The following SCAF8 variants were observed in gnomAD, a reference collection of about 807,000 sequenced individuals.
The protein encoded by SCAF8 is SR-related and CTD-associated factor 8.
SCAF8 carries 23 observed loss-of-function variants against 140.5 expected under a neutral mutation model. The observed-to-expected ratio is 0.16, with a 90% CI of 0.12 to 0.23. The LOEUF (loss-of-function observed/expected upper bound fraction) is 0.23, where lower values mean the gene tolerates loss of function less well. Among genes scored for constraint, SCAF8 ranks in the 10% least tolerant of loss-of-function variants. SCAF8 has a pLI of 1.00. For synonymous variants in SCAF8, 575 were observed against 528.9 expected (o/e 1.09, Z -1.20); for missense variants, 1,397 against 1,555.7 (o/e 0.90, Z 1.72).
rs1184630784 is a variant in SCAF8, at chr6:154,778,768, AATGTGTGTGTGTGT to A, written c.159+724_159+737del. On this transcript the variant is annotated intron_variant, in intron 3 of 19. Coordinates refer to ENST00000367178, the MANE Select transcript of SCAF8 (RefSeq NM_014892.5). Reference sequence around the variant, plus strand: ...AACAGAGTGAGACCCTGTCTCAAAAAATGTGTGTGTGTGTGTGTGTGTGTGTGTGTGTGTGTGTG... The same window carrying A: ...AACAGAGTGAGACCCTGTCTCAAAAAGTGTGTGTGTGTGTGTGTGTGTGTG... Among the ~76,000 whole-genome samples the A allele has an allele frequency of 3.4e-5, 4 of 117,470 alleles. No homozygotes were observed. The East Asian group carries it at 7.1e-4, about 21-fold the overall frequency. The allele number at this position is 117,470 out of a possible 152,430, so 77.1% of individuals were successfully genotyped here. A position where few individuals can be genotyped will look rare whatever the true frequency, so the allele number is the denominator to read the frequency against.
chr6:154,736,016 A>T (rs1778407929), intron 1 of SCAF8, among the ~76,000 whole-genome samples: 1 of 150,996 alleles, frequency 6.6e-6, no homozygotes, highest in African/African-American at 2.4e-5. Context: ...TATAGAGAGG[A>T]GGTCTTGTTA....
chr6:154,827,290 T>G (rs1284981837), intron 18 of SCAF8, 50 bp downstream of exon 18: 1 of 1,269,256 alleles, frequency 7.9e-7, no homozygotes, highest in African/African-American at 1.5e-5. Context: ...GTGTTAATTT[T>G]AGTGTGTCAG....
At chr6:154,798,417 C>G (rs1777670630) in intron 6 of SCAF8, among the ~76,000 whole-genome samples, 1 of 151,340 alleles carries the variant, frequency 6.6e-6, no homozygotes, top group Admixed American at 6.6e-5. Context: ...TCAAACAAAA[C>G]CTGCTCCACC....
intron 1 of SCAF8, among the ~76,000 whole-genome samples, chr6:154,759,432 G>A (rs966523232): frequency 5.3e-5 from 8 of 152,180 alleles, no homozygotes; most frequent in African/African-American, 1.9e-4. Context: ...TTTTTTAACA[G>A]TATTCAAAAC....
intron 16 of SCAF8, 126 bp downstream of exon 16, chr6:154,822,535 A>G: frequency 1.0e-6 from 1 of 958,450 alleles, no homozygotes; most frequent in Non-Finnish European, 1.5e-6. Flanking sequence ...CAGTAGTGTT[A>G]GGGAAAAGAA....
rs1204710627 is a variant in SCAF8, at chr6:154,808,247, A to AAT, written c.1113+47_1113+48insTA. 3 of 1,550,436 alleles carry AAT rather than the reference A, an allele frequency of 1.9e-6. No individual in the cohort carries two copies. The Admixed American group carries it at 5.1e-5, about 26-fold the overall frequency. On this transcript the variant is annotated intron_variant, in intron 10 of 19. Transcript: ENST00000367178. ...GGGTCATAAATTTCTAAAAGTAGCTAAAGAAATCATAAAATATTTTATACT... is the reference window on the plus strand; with the variant it reads ...GGGTCATAAATTTCTAAAAGTAGCTAATAAGAAATCATAAAATATTTTATACT...
intron 1 of SCAF8, among the ~76,000 whole-genome samples, chr6:154,744,370 T>A (rs1471005340): frequency 3.9e-5 from 6 of 152,112 alleles, no homozygotes; most frequent in Non-Finnish European, 7.4e-5. Flanking sequence ...GTACCTACTG[T>A]GTACTCACAA....
At chr6:154,790,577 C>T (rs1422081269) in intron 4 of SCAF8, among the ~76,000 whole-genome samples, 2 of 120,160 alleles carry the variant, frequency 1.7e-5, no homozygotes, top group East Asian at 3.0e-4. Flanking sequence ...GTGGTGTAAT[C>T]TCGGCTCACT....
chr6:154,793,565 A>C (rs572182002), intron 5 of SCAF8, among the ~76,000 whole-genome samples: 213 of 152,014 alleles, frequency 1.4e-3, no homozygotes, highest in African/African-American at 5.0e-3. Flanking sequence ...CTGTAATCCT[A>C]GCACTTTGGG....
chr6:154,802,085 A>G lies in SCAF8; in HGVS notation c.721A>G (p.Thr241Ala). The change falls in exon 7 of 20, where the codon ACA becomes GCA. Residue 241 changes from threonine (T) to alanine (A), a missense_variant. Physicochemically the swap from Thr to Ala is moderately conservative, Grantham distance 58. Coordinates refer to ENST00000367178, the MANE Select transcript of SCAF8 (RefSeq NM_014892.5). The part of the protein sequence containing the change: ...VQLQALTAQL[T>A]AAAAAANTLT... ...GTTGCAAGCTCTTACGGCACAACTT[A>G]CAGCTGCAGCTGCAGCTGCCAACAC... 6.2e-7 allele frequency: 1 copy of G among 1,612,824 alleles called. No homozygotes were observed. The highest frequency in any genetic ancestry group is 2.2e-5 in the East Asian group (1 of 44,818).
intron 13 of SCAF8, among the ~76,000 whole-genome samples, 161 bp from the exon 14 acceptor site, chr6:154,818,318 C>A (rs1430967263): frequency 6.6e-6 from 1 of 151,960 alleles, no homozygotes; most frequent in African/African-American, 2.4e-5. Flanking sequence ...ATGAATTGTA[C>A]CTACTAATAA....
intron 1 of SCAF8, among the ~76,000 whole-genome samples, chr6:154,769,430 G>A (rs1776674238): frequency 6.6e-6 from 1 of 152,206 alleles, no homozygotes; most frequent in Non-Finnish European, 1.5e-5. Flanking sequence ...AGCACAGAGT[G>A]AGCTGATGCC....
intron 13 of SCAF8, 147 bp downstream of exon 13, chr6:154,815,963 G>C (rs1778236072): frequency 2.0e-6 from 1 of 490,020 alleles, no homozygotes; most frequent in South Asian, 2.7e-5. Context: ...GATAATGTCT[G>C]TGTTTATTTT....
In SCAF8 at chr6:154,832,352, G is replaced by A; in HGVS notation, c.2773G>A (p.Asp925Asn). Residue 925 changes from aspartate to asparagine, a missense_variant, in exon 20 of 20, where the codon GAC (aspartate) becomes AAC (asparagine). Around this residue, in one of 5 missense-constraint regions of SCAF8, gnomAD observed 930 missense variants for 874.6 expected, o/e 1.06. Transcript: ENST00000367178. ...AAGGATGCCCACAATGCCAATGTTAGACATTCGTCCGGGACTAATACCACA... is the reference window on the plus strand; with the variant it reads ...AAGGATGCCCACAATGCCAATGTTAAACATTCGTCCGGGACTAATACCACA... Reference protein sequence around the residue: ...NQRMPTMPMLDIRPGLIPQAP... With the variant: ...NQRMPTMPMLNIRPGLIPQAP... The A allele has an allele frequency of 6.2e-7, 1 of 1,613,950 alleles. No individual in the cohort carries two copies. The highest frequency in any genetic ancestry group is 8.5e-7 in the Non-Finnish European group (1 of 1,180,000).
At chr6:154,793,065 A>T in intron 5 of SCAF8, 89 bp downstream of exon 5, 1 of 1,055,648 alleles carries the variant, frequency 9.5e-7, no homozygotes, top group Non-Finnish European at 1.3e-6. Flanking sequence ...TCGACAGTGC[A>T]GGAAAATTTG....
At chr6:154,812,376 A>T (rs997032410) in intron 12 of SCAF8, among the ~76,000 whole-genome samples, 28 of 148,222 alleles carry the variant, frequency 1.9e-4, no homozygotes, top group African/African-American at 6.2e-4. Flanking sequence ...GCTGTTGCAC[A>T]CTTAATAGGT....
At chr6:154,813,510 C>G (rs1299761273) in intron 12 of SCAF8, among the ~76,000 whole-genome samples, 2 of 152,114 alleles carry the variant, frequency 1.3e-5, no homozygotes, top group Non-Finnish European at 2.9e-5. Context: ...GCCTGGGTGA[C>G]AGAGCAAGAC....
intron 1 of SCAF8, among the ~76,000 whole-genome samples, chr6:154,746,232 T>A (rs1232069537): frequency 6.6e-6 from 1 of 152,220 alleles, no homozygotes; most frequent in East Asian, 1.9e-4. Flanking sequence ...CTTTATACTC[T>A]GATTGTCTCA....
chr6:154,832,307 C>A lies in SCAF8; in HGVS notation c.2728C>A (p.Pro910Thr). Residue 910 changes from proline to threonine, a missense_variant, in exon 20 of 20, where the codon CCT (proline) becomes ACT (threonine). Coordinates refer to ENST00000367178, the MANE Select transcript of SCAF8 (RefSeq NM_014892.5). ...QPPAGPQNLP[P>T]LSIPNQRMPT... ...ACCAGCTGGACCTCAAAACTTACCC[C>A]CTTTAAGTATCCCTAATCAAAGGAT... 2 of 1,613,996 alleles carry A rather than the reference C, an allele frequency of 1.2e-6. No individual in the cohort carries two copies. The highest frequency in any genetic ancestry group is 1.1e-5 in the South Asian group (1 of 91,076).
Sources: allele counts gnomAD v4.1 joint callset (sites outside exome capture counted in the v4.1 genomes callset), GRCh38; gene constraint gnomAD v4.1.1; regional missense constraint gnomAD v4.1.1; transcripts MANE v1.5; gene names NCBI Gene and HGNC (gene_info 2026-07-23, HGNC 2026-07-21).